PCDHGB4: variants seen among roughly 807,000 people sequenced by gnomAD.
The protein encoded by PCDHGB4 is protocadherin gamma-B4.
Under a neutral mutation model 60.5 loss-of-function variants are expected in PCDHGB4, and 38 were observed. That is an observed-to-expected ratio of 0.63 (90% CI 0.48 to 0.82). The LOEUF (loss-of-function observed/expected upper bound fraction) is 0.82, where lower values mean the gene tolerates loss of function less well. PCDHGB4 is among the 40% of genes least tolerant of loss of function. The probability of loss-of-function intolerance (pLI) is 0.00; values close to 1 mark genes in which losing one functional copy is unlikely to be tolerated. For synonymous variants in PCDHGB4, 456 were observed against 509.7 expected (o/e 0.89, Z 1.42); for missense variants, 1,109 against 1,209.6 (o/e 0.92, Z 1.23).
intron 1 of PCDHGB4, chr5:141,395,489 A>T: frequency 4.2e-6 from 2 of 480,562 alleles, no homozygotes; most frequent in Non-Finnish European, 3.6e-6. Flanking sequence ...TCCTATTATC[A>T]CTCATTCACT....
chr5:141,419,138 A>C, intron 1 of PCDHGB4: 1 of 1,613,920 alleles, frequency 6.2e-7, no homozygotes, highest in Non-Finnish European at 8.5e-7. Context: ...AGCCACAGAC[A>C]GGGGCAAGCC....
At chr5:141,502,499 C>A (rs552402476) in intron 2 of PCDHGB4, among the ~76,000 whole-genome samples, 12 of 152,122 alleles carry the variant, frequency 7.9e-5, no homozygotes, top group Non-Finnish European at 2.9e-5. Flanking sequence ...CATCTAACGT[C>A]GGCCTGTCCC....
At position 141,512,161 on chromosome 5, in the gene PCDHGB4, G is replaced by A. The variant is rs1176664723; in HGVS notation, c.*988G>A. On this transcript the variant is annotated 3_prime_UTR_variant, in exon 4 of 4. Transcript: ENST00000519479. ...AGCCAGCTTTGGGCTGAGCTAACAGGACCAATGGATTAAACTGGCATTTCA... is the reference window on the plus strand; with the variant it reads ...AGCCAGCTTTGGGCTGAGCTAACAGAACCAATGGATTAAACTGGCATTTCA... The A allele has an allele frequency of 6.5e-6, 1 of 152,704 alleles. No homozygotes were observed. Among genetic ancestry groups the A allele is most frequent in the African/African-American group, 2.4e-5 (1 of 41,440 alleles). 9.5% of individuals were successfully genotyped at this position (152,704 alleles called of 1,614,324 possible). A position where few individuals can be genotyped will look rare whatever the true frequency, so the allele number is the denominator to read the frequency against.
rs1561852927 is a variant in PCDHGB4, at chr5:141,431,472, A to G, written c.2397+41191A>G. On this transcript the variant is annotated intron_variant, in intron 1 of 3. Coordinates refer to ENST00000519479, the MANE Select transcript of PCDHGB4 (RefSeq NM_003736.4). The surrounding 1 kb of genome is among the most constrained non-coding windows in gnomAD (Gnocchi z 4.8). The stretch of plus-strand genomic sequence containing the variant: ...GTGATGGTTCTGGATGCGAACGACA[A>G]CGCACCAGCGTTTGCTCAGCCCGAG... 6.2e-7 allele frequency: 1 copy of G among 1,613,784 alleles called. No individual in the cohort carries two copies. The highest frequency in any genetic ancestry group is 8.5e-7 in the Non-Finnish European group (1 of 1,179,948).
Position 141,477,964 on chromosome 5 carries a change from G to T in PCDHGB4, c.2398-16843G>T, listed in dbSNP as rs2099426491. On this transcript the variant is annotated intron_variant, in intron 1 of 3. Coordinates refer to ENST00000519479, the MANE Select transcript of PCDHGB4 (RefSeq NM_003736.4). The surrounding 1 kb of genome is among the most constrained non-coding windows in gnomAD (Gnocchi z 4.9). Reference sequence around the variant, plus strand: ...ACAGTCTCTTGGGATCCCCTAACCAGAGCCTTTTTGCCATAGGGCTGCACA... The same window carrying T: ...ACAGTCTCTTGGGATCCCCTAACCATAGCCTTTTTGCCATAGGGCTGCACA... 6.2e-7 allele frequency: 1 copy of T among 1,613,978 alleles called. No homozygotes were observed. The highest frequency in any genetic ancestry group is 1.1e-5 in the South Asian group (1 of 91,080).
chr5:141,489,288 G>A lies in PCDHGB4; in HGVS notation c.2398-5519G>A. 6.3e-7 allele frequency: 1 copy of A among 1,575,870 alleles called. No homozygotes were observed. Among genetic ancestry groups the A allele is most frequent in the Non-Finnish European group, 8.6e-7 (1 of 1,161,152 alleles). On this transcript the variant is annotated intron_variant, in intron 1 of 3. Coordinates refer to ENST00000519479, the MANE Select transcript of PCDHGB4 (RefSeq NM_003736.4). The surrounding 1 kb of genome is among the most constrained non-coding windows in gnomAD (Gnocchi z 4.5). ...AGCTCGCTGGGAAATGGCAAGTGCT[G>A]TGCATGTTGTCCTTGTGCTGCTGGG...
rs2095943632 is a variant in PCDHGB4 at position 141,415,767 on chromosome 5, TTTTTTACTTTC to T, written c.2397+25488_2397+25498del. ...TTTTTTTTTTTTTTTTTTTTTTTTT[TTTTTTACTTTC>T]TGGTAAAATTCACCTAGTCTCAATC... is the stretch of plus-strand genomic sequence containing the variant. On this transcript the variant is annotated intron_variant, in intron 1 of 3. Transcript: ENST00000519479. 3.1e-6 allele frequency: 4 copies of T among 1,300,754 alleles called. No individual in the cohort carries two copies. The Admixed American group carries it at 1.4e-4, about 46-fold the overall frequency. The allele number at this position is 1,300,754 out of a possible 1,614,324, so 80.6% of individuals were successfully genotyped here.
At chr5:141,390,505 A>T in intron 1 of PCDHGB4, 1 of 600,954 alleles carries the variant, frequency 1.7e-6, no homozygotes, top group South Asian at 2.1e-5. Context: ...CCAAGCTTAG[A>T]TTTATAAAGC....
intron 1 of PCDHGB4, chr5:141,395,535 C>A: frequency 3.6e-5 from 12 of 331,892 alleles, no homozygotes; most frequent in Admixed American, 5.0e-5. Context: ...GGTAATTTTG[C>A]TATTGTTTGT....
rs898536568 is a variant in PCDHGB4 at position 141,478,080 on chromosome 5, C to T, written c.2398-16727C>T. The T allele has an allele frequency of 1.9e-6, 3 of 1,614,012 alleles. No homozygotes were observed. The Admixed American group carries it at 5.0e-5, about 27-fold the overall frequency. The stretch of plus-strand genomic sequence containing the variant: ...TTGATCAAAGACAATGGGGAGCCTT[C>T]GCTCTCCACCACTGCTACCCTCACT... On this transcript the variant is annotated intron_variant, in intron 1 of 3. Coordinates refer to ENST00000519479, the MANE Select transcript of PCDHGB4 (RefSeq NM_003736.4).
chr5:141,423,236 C>G, intron 1 of PCDHGB4: 1 of 1,613,920 alleles, frequency 6.2e-7, no homozygotes, highest in Non-Finnish European at 8.5e-7. Flanking sequence ...GACAGCATCC[C>G]CGAAGTCCTG....
chr5:141,489,625 A>G lies in PCDHGB4; in HGVS notation c.2398-5182A>G. ...GGTAGAGATCCTGGATCTCAATGAC[A>G]ACTCTCCTAGCTTTGCCACCCCTGA... On this transcript the variant is annotated intron_variant, in intron 1 of 3. Transcript: ENST00000519479. The surrounding 1 kb of genome is among the most constrained non-coding windows in gnomAD (Gnocchi z 4.5). 6.2e-7 allele frequency: 1 copy of G among 1,614,076 alleles called. No homozygotes were observed. The highest frequency in any genetic ancestry group is 8.5e-7 in the Non-Finnish European group (1 of 1,180,006).
chr5:141,413,386 G>A (rs757396075), intron 1 of PCDHGB4: 6 of 1,613,884 alleles, frequency 3.7e-6, no homozygotes, highest in African/African-American at 1.3e-5. Context: ...AGTCCGCATA[G>A]TCTCCAGAGG....
chr5:141,409,715 G>C (rs2095305446), intron 1 of PCDHGB4: 9 of 1,613,084 alleles, frequency 5.6e-6, no homozygotes, highest in Admixed American at 1.7e-5. Flanking sequence ...GTCGTCATAC[G>C]TGTCAGTGAG....
chr5:141,500,645 A>C (rs2099801792), intron 2 of PCDHGB4, among the ~76,000 whole-genome samples: 1 of 152,228 alleles, frequency 6.6e-6, no homozygotes, highest in African/African-American at 2.4e-5. Flanking sequence ...GTTTTTTAAA[A>C]ATAGCAACTG....
At chr5:141,496,509 C>A (rs955577717) in intron 2 of PCDHGB4, among the ~76,000 whole-genome samples, 3 of 152,168 alleles carry the variant, frequency 2.0e-5, no homozygotes, top group Non-Finnish European at 4.4e-5. Context: ...GCCACAAGGA[C>A]CCAGGAGCCC....
chr5:141,406,600 G>A (rs1172246444), intron 1 of PCDHGB4, among the ~76,000 whole-genome samples: 2 of 152,144 alleles, frequency 1.3e-5, no homozygotes, highest in African/African-American at 4.8e-5. Flanking sequence ...AATGGTGAAA[G>A]TTGTCACATC....
At chr5:141,510,910 A>T (rs780792326) in intron 3 of PCDHGB4, 37 bp from the exon 4 acceptor site, 1 of 1,613,740 alleles carries the variant, frequency 6.2e-7, no homozygotes, top group East Asian at 2.2e-5. Flanking sequence ...GAGGACCCTA[A>T]GTTTAGCTCC....
intron 1 of PCDHGB4, chr5:141,420,053 T>C (rs1178680836): frequency 3.1e-6 from 5 of 1,613,970 alleles, no homozygotes; most frequent in Non-Finnish European, 2.5e-6. Context: ...GTCAGTTCTC[T>C]GCTCCAAGTC....
Sources: gnomAD v4.1 joint callset for allele counts (sites outside exome capture counted in the v4.1 genomes callset) on GRCh38, gnomAD v4.1.1 for gene constraint, Gnocchi (gnomAD v3.1) non-coding constraint, MANE v1.5 for transcripts, NCBI Gene and HGNC (gene_info 2026-07-23, HGNC 2026-07-21) for gene names.